The following SPAST variants were observed in gnomAD, a reference collection of about 807,000 sequenced individuals.
The protein encoded by SPAST is spastin, also known as spastic paraplegia 4 (autosomal dominant; spastin).
SPAST carries 30 observed loss-of-function variants against 76.6 expected under a neutral mutation model. The observed-to-expected ratio is 0.39, with a 90% CI of 0.29 to 0.53. SPAST has a LOEUF of 0.53. Ranked by LOEUF, SPAST falls within the 20% of genes least tolerant of loss-of-function variation. SPAST has a pLI of 0.68. For synonymous variants in SPAST, 305 were observed against 281.0 expected (o/e 1.09, Z -0.86); for missense variants, 717 against 770.5 (o/e 0.93, Z 0.82).
intron 12 of SPAST, among the ~76,000 whole-genome samples, chr2:32,139,773 G>A (rs891863104): frequency 6.6e-6 from 1 of 151,432 alleles, no homozygotes; most frequent in Admixed American, 6.6e-5. Flanking sequence ...AGGTTGCAGT[G>A]AGCCGAGATC....
intron 15 of SPAST, among the ~76,000 whole-genome samples, chr2:32,145,885 C>T (rs748083996): frequency 3.9e-5 from 6 of 152,194 alleles, no homozygotes; most frequent in African/African-American, 1.2e-4. Flanking sequence ...AGCTCCATCC[C>T]TTTCTCTCAT....
chr2:32,074,679 G>A (rs1676881543), intron 1 of SPAST, among the ~76,000 whole-genome samples: 1 of 151,746 alleles, frequency 6.6e-6, no homozygotes, highest in South Asian at 2.1e-4. Flanking sequence ...GCTAATTTTT[G>A]TATTTTTAGT....
In SPAST at chr2:32,154,611, T is replaced by TA; in HGVS notation, c.*116dup. 1 of 1,030,006 alleles carries TA rather than the reference T, an allele frequency of 9.7e-7. No individual in the cohort carries two copies. The allele number at this position is 1,030,006 out of a possible 1,614,324, so 63.8% of individuals were successfully genotyped here. A position where few individuals can be genotyped will look rare whatever the true frequency, so the allele number is the denominator to read the frequency against. ...AAGTTTACAGGACTTTTTAGAGTCT[T>TA]ACATATTTGTGCACCAAACTTGAAG... is the stretch of plus-strand genomic sequence containing the variant. On this transcript the variant is annotated 3_prime_UTR_variant, in exon 17 of 17. Transcript: ENST00000315285.
chr2:32,070,288 G>A (rs962174636), intron 1 of SPAST, among the ~76,000 whole-genome samples: 1 of 151,474 alleles, frequency 6.6e-6, no homozygotes, highest in East Asian at 2.0e-4. Flanking sequence ...GGCTGATCTC[G>A]AACTCCTGAC....
Position 32,156,209 on chromosome 2 carries a change from G to A in SPAST, c.*1713G>A, listed in dbSNP as rs1289178296. On this transcript the variant is annotated 3_prime_UTR_variant, in exon 17 of 17. Coordinates refer to ENST00000315285, the MANE Select transcript of SPAST (RefSeq NM_014946.4). ...ATGCGCCACTACCCCAGCTAATTTT[G>A]TATTTTTAGTAGAGATGGGGTTTCT... 1.3e-5 allele frequency: 2 copies of A among 152,142 alleles called. No individual in the cohort carries two copies. Among genetic ancestry groups the A allele is most frequent in the Admixed American group, 1.3e-4 (2 of 15,272 alleles). The allele number at this position is 152,142 out of a possible 1,614,324, so 9.4% of individuals were successfully genotyped here. A position where few individuals can be genotyped will look rare whatever the true frequency, so the allele number is the denominator to read the frequency against.
At chr2:32,065,003 T>C (rs576334748) in intron 1 of SPAST, among the ~76,000 whole-genome samples, 124 of 152,170 alleles carry the variant, frequency 8.1e-4, no homozygotes, top group Middle Eastern at 3.4e-3. Flanking sequence ...ACTACATCTT[T>C]CGGGTTTCTT....
intron 4 of SPAST, among the ~76,000 whole-genome samples, chr2:32,109,973 CAT>C (rs957029511): frequency 6.8e-6 from 1 of 146,276 alleles, no homozygotes; most frequent in African/African-American, 2.5e-5. Flanking sequence ...TATGTATATA[CAT>C]ATATAGTTAT....
At chr2:32,095,097 G>C (rs1573082057) in intron 3 of SPAST, among the ~76,000 whole-genome samples, 2 of 152,112 alleles carry the variant, frequency 1.3e-5, no homozygotes, top group East Asian at 3.8e-4. Context: ...TTAGGACACT[G>C]TTACAGTAAT....
In SPAST at chr2:32,141,886, C is replaced by T; in HGVS notation, c.1494-18C>T. ...ATTCAAAATTATATTTCTAAAAGTG[C>T]TGGATTTTTTTTTTTAGGCGTTTCA... is the stretch of plus-strand genomic sequence containing the variant. On this transcript the variant is annotated intron_variant, in intron 12 of 16. Coordinates refer to ENST00000315285, the MANE Select transcript of SPAST (RefSeq NM_014946.4). 2 of 1,591,582 alleles carry T rather than the reference C, an allele frequency of 1.3e-6. No individual in the cohort carries two copies. The highest frequency in any genetic ancestry group is 1.7e-6 in the Non-Finnish European group (2 of 1,163,200).
At chr2:32,083,850 G>A (rs561134175) in intron 1 of SPAST, among the ~76,000 whole-genome samples, 20 of 140,568 alleles carry the variant, frequency 1.4e-4, no homozygotes, top group East Asian at 6.3e-4. Flanking sequence ...TTGGCTTACC[G>A]CAACCTCAAC....
At chr2:32,112,155 G>A (rs149959657) in intron 4 of SPAST, among the ~76,000 whole-genome samples, 198 of 150,584 alleles carry the variant, frequency 1.3e-3, no homozygotes, top group African/African-American at 4.8e-3. Context: ...GTTTCACCAT[G>A]TTGGCCAGGC....
intron 4 of SPAST, among the ~76,000 whole-genome samples, chr2:32,104,465 T>C (rs1161030901): frequency 2.0e-5 from 3 of 152,196 alleles, no homozygotes; most frequent in Non-Finnish European, 2.9e-5. Context: ...AAGGTTAATA[T>C]TGTTATGTTT....
intron 1 of SPAST, among the ~76,000 whole-genome samples, chr2:32,076,471 C>T (rs1366973073): frequency 6.6e-6 from 1 of 152,116 alleles, no homozygotes; most frequent in Non-Finnish European, 1.5e-5. Flanking sequence ...ATCCTCCTAC[C>T]TCAGTCTTCC....
At chr2:32,083,766 A>AAATTTTTT (rs1677353307) in intron 1 of SPAST, among the ~76,000 whole-genome samples, 1 of 48,456 alleles carries the variant, frequency 2.1e-5, no homozygotes, top group African/African-American at 8.5e-5. Flanking sequence ...ATATATATAT[A>AAATTTTTT]TATATATATA....
chr2:32,099,635 T>G (rs1678045715), intron 4 of SPAST, among the ~76,000 whole-genome samples: 1 of 152,178 alleles, frequency 6.6e-6, no homozygotes, highest in Non-Finnish European at 1.5e-5. Flanking sequence ...ATCATTTCCA[T>G]CATCCCAAAC....
At chr2:32,152,371 C>T (rs1179612626) in intron 16 of SPAST, among the ~76,000 whole-genome samples, 1 of 152,038 alleles carries the variant, frequency 6.6e-6, no homozygotes, top group Non-Finnish European at 1.5e-5. Flanking sequence ...AATTCGAGAC[C>T]AGCCTGGATA....
chr2:32,100,826 T>C (rs1200007939), intron 4 of SPAST, among the ~76,000 whole-genome samples: 1 of 152,238 alleles, frequency 6.6e-6, no homozygotes, highest in Non-Finnish European at 1.5e-5. Context: ...TTCCATGGTG[T>C]ATATGTGCCA....
chr2:32,126,882 A>C lies in SPAST; in HGVS notation c.1099-66A>C. On this transcript the variant is annotated intron_variant, in intron 7 of 16. Coordinates refer to ENST00000315285, the MANE Select transcript of SPAST (RefSeq NM_014946.4). Reference sequence around the variant, plus strand: ...TGCTACTGAAAAAAGGATGCTTTTTAGATGGCAAAGAGTACTTAAAATGTC... The same window carrying C: ...TGCTACTGAAAAAAGGATGCTTTTTCGATGGCAAAGAGTACTTAAAATGTC... The C allele has an allele frequency of 3.6e-6, 4 of 1,099,328 alleles. No homozygotes were observed. The South Asian group carries it at 5.1e-5, about 14-fold the overall frequency. The allele number at this position is 1,099,328 out of a possible 1,614,324, so 68.1% of individuals were successfully genotyped here. A position where few individuals can be genotyped will look rare whatever the true frequency, so the allele number is the denominator to read the frequency against.
At chr2:32,099,180 T>C (rs915408354) in intron 4 of SPAST, among the ~76,000 whole-genome samples, 8 of 152,220 alleles carry the variant, frequency 5.3e-5, no homozygotes, top group African/African-American at 1.9e-4. Context: ...AATCTTTTTT[T>C]CTGTTGTGGC....
Sources: allele counts gnomAD v4.1 joint callset (sites outside exome capture counted in the v4.1 genomes callset), GRCh38; gene constraint gnomAD v4.1.1; transcripts MANE v1.5; gene names NCBI Gene and HGNC (gene_info 2026-07-23, HGNC 2026-07-21).